PTPRO: variants seen among roughly 807,000 people sequenced by gnomAD.
PTPRO encodes the protein receptor-type tyrosine-protein phosphatase O.
Under a neutral mutation model 145.2 loss-of-function variants are expected in PTPRO, and 62 were observed. The ratio of observed to expected loss-of-function variants is 0.43; its 90% CI spans 0.35 to 0.53. The LOEUF (loss-of-function observed/expected upper bound fraction) is 0.53. Ranked by LOEUF, PTPRO falls within the 20% of genes least tolerant of loss-of-function variation. The pLI is 0.01. For synonymous variants in PTPRO, 565 were observed against 514.7 expected, an observed-to-expected ratio of 1.10 and a Z score of -1.32; for missense variants, 1,345 against 1,482.7, an observed-to-expected ratio of 0.91 and a Z score of 1.53.
intron 1 of PTPRO, among the ~76,000 whole-genome samples, chr12:15,481,530 C>T (rs1941779011): frequency 6.6e-6 from 1 of 152,184 alleles, no homozygotes; most frequent in Admixed American, 6.5e-5. Flanking sequence ...ATGCCTATCT[C>T]ATATTACAGA....
chr12:15,377,820 C>G (rs991000874), intron 1 of PTPRO, among the ~76,000 whole-genome samples: 1 of 151,996 alleles, frequency 6.6e-6, no homozygotes, highest in East Asian at 1.9e-4. Flanking sequence ...AAAATAAAAT[C>G]GGAAACCAAT....
intron 1 of PTPRO, among the ~76,000 whole-genome samples, chr12:15,447,899 A>G (rs938232865): frequency 6.6e-6 from 1 of 152,120 alleles, no homozygotes; most frequent in African/African-American, 2.4e-5. Context: ...GAAATTGTGG[A>G]TTTCATGTCA....
intron 1 of PTPRO, among the ~76,000 whole-genome samples, chr12:15,417,054 CCT>C (rs1565617402): frequency 6.6e-6 from 1 of 151,406 alleles, no homozygotes; most frequent in Non-Finnish European, 1.5e-5. Flanking sequence ...AGGATTCTAC[CCT>C]CCCATGATTC....
chr12:15,507,411 A>G (rs1336717246), intron 6 of PTPRO, among the ~76,000 whole-genome samples: 2 of 17,548 alleles, frequency 1.1e-4, no homozygotes, highest in African/African-American at 2.4e-4. Context: ...CTCCATCTCA[A>G]AATAAATAAA....
intron 10 of PTPRO, among the ~76,000 whole-genome samples, chr12:15,520,573 G>A (rs1026065541): frequency 3.9e-5 from 6 of 151,962 alleles, no homozygotes; most frequent in African/African-American, 7.3e-5. Context: ...TGTACTCTCC[G>A]GCTGGGATTG....
rs771320811 is a variant in PTPRO, at chr12:15,501,987, G to A, written c.1029G>A (p.Val343=). 7 of 1,613,968 alleles carry A rather than the reference G, an allele frequency of 4.3e-6. No homozygotes were observed. In the South Asian group the frequency reaches 5.5e-5, roughly 13 times the overall value. The stretch of plus-strand genomic sequence containing the variant: ...CAGGCTCTTTCTCCTTTTTCCCTGT[G>A]CAAATGATATTGACCTGGTTACCAC... ...STSGSFSFFP[V]QMILTWLPPK... Residue 343 remains valine, a synonymous_variant, in exon 5 of 27, where the codon GTG becomes GTA. Coordinates refer to ENST00000281171, the MANE Select transcript of PTPRO (RefSeq NM_030667.3).
chr12:15,459,803 T>C (rs1941260664), intron 1 of PTPRO, among the ~76,000 whole-genome samples: 2 of 152,198 alleles, frequency 1.3e-5, no homozygotes, highest in Admixed American at 6.5e-5. Context: ...TGACAAAAAC[T>C]AAATCGTAAA....
intron 1 of PTPRO, among the ~76,000 whole-genome samples, chr12:15,475,189 A>T (rs1394514535): frequency 1.3e-5 from 2 of 152,116 alleles, no homozygotes; most frequent in African/African-American, 2.4e-5. Flanking sequence ...TATCACAACC[A>T]CCTTCTGTTA....
chr12:15,350,870 A>G (rs1171840244), intron 1 of PTPRO, among the ~76,000 whole-genome samples: 1 of 152,216 alleles, frequency 6.6e-6, no homozygotes, highest in Admixed American at 6.5e-5. Flanking sequence ...AATTTGGCCC[A>G]CTGAGCTGCA....
chr12:15,519,119 C>A (rs1942659158), intron 9 of PTPRO, among the ~76,000 whole-genome samples: 1 of 152,224 alleles, frequency 6.6e-6, no homozygotes, highest in Non-Finnish European at 1.5e-5. Flanking sequence ...GCTGGGGAAG[C>A]CCCACAATCA....
chr12:15,322,734 A>T lies in PTPRO; in HGVS notation c.8A>T (p.His3Leu). The T allele has an allele frequency of 6.2e-7, 1 of 1,611,294 alleles. No homozygotes were observed. Among genetic ancestry groups the T allele is most frequent in the Non-Finnish European group, 8.5e-7 (1 of 1,179,216 alleles). Residue 3 changes from histidine (H) to leucine (L), a missense_variant, in exon 1 of 27, where the codon CAC becomes CTC. Coordinates refer to ENST00000281171, the MANE Select transcript of PTPRO (RefSeq NM_030667.3). This position sits in a 1 kb window ranked among gnomAD's most constrained non-coding sequence, Gnocchi z 6.3. ...GTCCCCGTCCGCGCAGCGATGGGGC[A>T]CCTGCCCACGGGGATACACGGCGCC... MGHLPTGIHGARR... is the reference protein window; with the variant it reads MGLLPTGIHGARR...
At chr12:15,505,320 C>T (rs575212581) in intron 6 of PTPRO, among the ~76,000 whole-genome samples, 59 of 152,286 alleles carry the variant, frequency 3.9e-4, no homozygotes, top group African/African-American at 1.4e-3. Context: ...TCTTGCTTCT[C>T]ATGTCAAGTT....
intron 1 of PTPRO, chr12:15,440,224 C>G: frequency 1.5e-6 from 1 of 649,060 alleles, no homozygotes; most frequent in Non-Finnish European, 2.7e-6. Context: ...CCACCCTGGG[C>G]AACTTTTCCA....
At chr12:15,489,416 A>G (rs189740991) in intron 2 of PTPRO, among the ~76,000 whole-genome samples, 1 of 152,206 alleles carries the variant, frequency 6.6e-6, no homozygotes, top group African/African-American at 2.4e-5. Flanking sequence ...TATTGATTAC[A>G]TCCTTAACAA....
intron 1 of PTPRO, among the ~76,000 whole-genome samples, chr12:15,467,550 C>T (rs939579986): frequency 1.3e-5 from 2 of 151,994 alleles, no homozygotes; most frequent in African/African-American, 4.8e-5. Context: ...GTCCTAGTGG[C>T]CATCATTTCT....
chr12:15,526,822 A>C (rs1445319044), intron 12 of PTPRO, among the ~76,000 whole-genome samples: 2 of 152,120 alleles, frequency 1.3e-5, no homozygotes, highest in African/African-American at 2.4e-5. Flanking sequence ...AAAATGAATA[A>C]GTTGGGGTTT....
At chr12:15,466,553 A>C (rs911735394) in intron 1 of PTPRO, among the ~76,000 whole-genome samples, 2 of 152,184 alleles carry the variant, frequency 1.3e-5, no homozygotes, top group Admixed American at 1.3e-4. Context: ...ATATGCATTA[A>C]ATGTAATTTC....
chr12:15,434,489 A>T (rs1940541843), intron 1 of PTPRO, among the ~76,000 whole-genome samples: 1 of 152,160 alleles, frequency 6.6e-6, no homozygotes, highest in Admixed American at 6.5e-5. Context: ...AAAGGGGAAA[A>T]TTGCTTTCAG....
At chr12:15,383,574 A>T (rs146987583) in intron 1 of PTPRO, among the ~76,000 whole-genome samples, 17 of 152,336 alleles carry the variant, frequency 1.1e-4, no homozygotes, top group Non-Finnish European at 1.9e-4. Flanking sequence ...ACATCTTGAG[A>T]ACATGTGCCC....
Sources: gnomAD v4.1 joint callset for allele counts (sites outside exome capture counted in the v4.1 genomes callset) on GRCh38, gnomAD v4.1.1 for gene constraint, Gnocchi (gnomAD v3.1) non-coding constraint, MANE v1.5 for transcripts, NCBI Gene and HGNC (gene_info 2026-07-23, HGNC 2026-07-21) for gene names.